ADAMTSL4: variants seen among roughly 807,000 people sequenced by gnomAD.
ADAMTSL4 encodes the protein ADAMTS like 4.
A neutral mutation model predicts 122.8 loss-of-function variants in ADAMTSL4; 97 were observed. The observed-to-expected ratio is 0.79, with a 90% CI of 0.67 to 0.93. The LOEUF (loss-of-function observed/expected upper bound fraction) is 0.93, where lower values mean the gene tolerates loss of function less well. Among genes scored for constraint, ADAMTSL4 ranks in the 40% least tolerant of loss-of-function variants. ADAMTSL4 has a pLI of 0.00. For synonymous variants in ADAMTSL4, 592 were observed against 568.0 expected (o/e 1.04, Z -0.60); for missense variants, 1,408 against 1,453.5 (o/e 0.97, Z 0.51).
Position 150,552,576 on chromosome 1 carries a change from C to G in ADAMTSL4, c.54C>G (p.Leu18=). The change falls in exon 4 of 19, where the codon CTC becomes CTG. Residue 18 remains leucine (L), a synonymous_variant. Coordinates refer to ENST00000271643, the MANE Select transcript of ADAMTSL4 (RefSeq NM_019032.6). The surrounding 1 kb of genome is among the most constrained non-coding windows in gnomAD (Gnocchi z 4.0). ...PWLYLLLLLS[L]PQLCLDQEVL... ...TGTATCTGCTGCTGCTTCTGTCCCT[C>G]CCTCAGCTCTGCTTGGATCAGGAGG... The G allele has an allele frequency of 1.2e-6, 2 of 1,614,014 alleles. No homozygotes were observed. The highest frequency in any genetic ancestry group is 1.7e-6 in the Non-Finnish European group (2 of 1,179,982).
Position 150,553,655 on chromosome 1 carries a change from C to T in ADAMTSL4, c.664C>T (p.His222Tyr). 2 of 1,613,782 alleles carry T rather than the reference C, an allele frequency of 1.2e-6. No individual in the cohort carries two copies. The highest frequency in any genetic ancestry group is 1.1e-5 in the South Asian group (1 of 91,080). The change falls in exon 6 of 19, where the codon CAC becomes TAC. Residue 222 changes from histidine to tyrosine, a missense_variant. By Grantham distance (83) the His-to-Tyr change is moderately conservative. Transcript: ENST00000271643. ...GCTCCCTCCCACAGAACTGTCTGTCCACACCCCATCCCCCCAAGCAGAACC... is the reference window on the plus strand; with the variant it reads ...GCTCCCTCCCACAGAACTGTCTGTCTACACCCCATCCCCCCAAGCAGAACC... ...TELPPTELSVHTPSPQAEPLS... is the reference protein window; with the variant it reads ...TELPPTELSVYTPSPQAEPLS...
Position 150,552,831 on chromosome 1 carries a change from C to A in ADAMTSL4, c.79-67C>A. 1 of 1,526,022 alleles carries A rather than the reference C, an allele frequency of 6.6e-7. No individual in the cohort carries two copies. The highest frequency in any genetic ancestry group is 9.0e-7 in the Non-Finnish European group (1 of 1,108,096). The allele number at this position is 1,526,022 out of a possible 1,614,324, so 94.5% of individuals were successfully genotyped here. On this transcript the variant is annotated intron_variant, in intron 4 of 18. Transcript: ENST00000271643. The surrounding 1 kb of genome is among the most constrained non-coding windows in gnomAD (Gnocchi z 4.0). ...CGACTCCGTGAGCCTCAGTGTTGGT[C>A]TACATGGACACTCTGGACAGTTCCC...
rs1310934778 is a variant in ADAMTSL4, at chr1:150,559,266, C to A, written c.2764-21C>A. On this transcript the variant is annotated intron_variant, in intron 16 of 18. Transcript: ENST00000271643. This position sits in a 1 kb window ranked among gnomAD's most constrained non-coding sequence, Gnocchi z 4.1. The stretch of plus-strand genomic sequence containing the variant: ...CTCTGTCCTCCCCTCCCCTCATCAC[C>A]CTGCCCTCCCCCTACACTAGTGCTC... The A allele has an allele frequency of 1.9e-6, 3 of 1,613,778 alleles. No homozygotes were observed. The African/African-American group carries it at 4.0e-5, about 22-fold the overall frequency.
In ADAMTSL4 at chr1:150,557,618, C is replaced by T; in HGVS notation, c.2172C>T (p.Pro724=). The part of the protein sequence containing the change: ...SPEPCHGTPC[P]PYWEAGEWTS... The stretch of plus-strand genomic sequence containing the variant: ...AACCCTGCCACGGCACCCCATGCCC[C>T]CCATAGTGAGTATGGGGGAGCCCAC... Residue 724 remains proline, a synonymous_variant, in exon 13 of 19, where the codon CCC becomes CCT. Transcript: ENST00000271643. The T allele has an allele frequency of 6.2e-7, 1 of 1,600,410 alleles. No individual in the cohort carries two copies. The highest frequency in any genetic ancestry group is 8.5e-7 in the Non-Finnish European group (1 of 1,173,894).
intron 2 of ADAMTSL4, chr1:150,551,337 A>C (rs1417559349): frequency 3.2e-6 from 1 of 316,962 alleles, no homozygotes; most frequent in East Asian, 8.0e-5. Flanking sequence ...TAAACCGTCA[A>C]CCCATTTAGC....
At chr1:150,555,680 CAT>C in intron 8 of ADAMTSL4, 115 bp downstream of exon 8, 2 of 1,447,930 alleles carry the variant, frequency 1.4e-6, no homozygotes, top group Non-Finnish European at 1.9e-6. Flanking sequence ...CATGCAAGCA[CAT>C]ACACACACGC....
In ADAMTSL4 at chr1:150,549,498, A is replaced by T. The variant is rs1171500340; in HGVS notation, c.-160A>T. 1 of 152,124 alleles carries T rather than the reference A, an allele frequency of 6.6e-6. No homozygotes were observed. Among genetic ancestry groups the T allele is most frequent in the Non-Finnish European group, 1.5e-5 (1 of 68,034 alleles). The allele number at this position is 152,124 out of a possible 1,614,324, so 9.4% of individuals were successfully genotyped here. On this transcript the variant is annotated splice_region_variant and 5_prime_UTR_variant, in exon 1 of 19. Transcript: ENST00000271643. This position sits in a 1 kb window ranked among gnomAD's most constrained non-coding sequence, Gnocchi z 5.0. ...ACGGGCCACCGGGGGCTCGCAGAGC[A>T]GGTAGAGACCTCCCCGGGACCCCGG... is the stretch of plus-strand genomic sequence containing the variant.
intron 5 of ADAMTSL4, 45 bp downstream of exon 5, chr1:150,553,298 G>A (rs763396436): frequency 3.7e-6 from 6 of 1,609,314 alleles, no homozygotes; most frequent in Non-Finnish European, 5.1e-6. Flanking sequence ...CAAGGTGGGG[G>A]CTTAGCATGA....
chr1:150,557,430 C>T (rs1672283045), intron 12 of ADAMTSL4, 64 bp from the exon 13 acceptor site: 1 of 1,611,178 alleles, frequency 6.2e-7, no homozygotes. Flanking sequence ...GACCCTGCGT[C>T]TGGGACACCA....
In ADAMTSL4 at chr1:150,554,495, G is replaced by A; in HGVS notation, c.1234+28G>A. ...GAGGTTTCTTGCTCACCCCTGGGCA[G>A]TGGTGGCTTGGAATTGGGGATGAAG... On this transcript the variant is annotated intron_variant, in intron 7 of 18. Coordinates refer to ENST00000271643, the MANE Select transcript of ADAMTSL4 (RefSeq NM_019032.6). This position sits in a 1 kb window ranked among gnomAD's most constrained non-coding sequence, Gnocchi z 4.0. 1 of 1,613,826 alleles carries A rather than the reference G, an allele frequency of 6.2e-7. No homozygotes were observed. Among genetic ancestry groups the A allele is most frequent in the Non-Finnish European group, 8.5e-7 (1 of 1,179,842 alleles).
chr1:150,558,270 C>T (rs1672409105), intron 14 of ADAMTSL4, 121 bp downstream of exon 14: 1 of 1,541,212 alleles, frequency 6.5e-7, no homozygotes, highest in Non-Finnish European at 8.8e-7. Context: ...TTCATATGGA[C>T]CCCCAATATA....
rs1378418951 is a variant in ADAMTSL4, at chr1:150,559,391, CCCCAGGCCCCCTGCCCTGCAG to C, written c.2872_2892del (p.Arg958_Pro964del). On this transcript the variant is annotated inframe_deletion, in exon 17 of 19. Transcript: ENST00000271643. The surrounding 1 kb of genome is among the most constrained non-coding windows in gnomAD (Gnocchi z 4.1). ...CTTCTCCGAGCAACTGTTCTCACCTCCCCAGGCCCCCTGCCCTGCAGCCCTGTCAAGGGCAGGCCTGCCAGG... is the reference window on the plus strand; with the variant it reads ...CTTCTCCGAGCAACTGTTCTCACCTCCCCTGTCAAGGGCAGGCCTGCCAGG... 1 of 1,613,780 alleles carries C rather than the reference CCCCAGGCCCCCTGCCCTGCAG, an allele frequency of 6.2e-7. No individual in the cohort carries two copies. Among genetic ancestry groups the C allele is most frequent in the Admixed American group, 1.7e-5 (1 of 60,030 alleles).
chr1:150,558,950 C>T lies in ADAMTSL4; in HGVS notation c.2560-12C>T. 6.3e-7 allele frequency: 1 copy of T among 1,585,558 alleles called. No individual in the cohort carries two copies. The highest frequency in any genetic ancestry group is 8.6e-7 in the Non-Finnish European group (1 of 1,162,462). On this transcript the variant is annotated splice_polypyrimidine_tract_variant and intron_variant, in intron 15 of 18. Coordinates refer to ENST00000271643, the MANE Select transcript of ADAMTSL4 (RefSeq NM_019032.6). ...GCAGGCCCCTCACACAGGCCGCTCT[C>T]CTCCTCCGCAGTGCTCAGCCGAGTG...
intron 15 of ADAMTSL4, 36 bp downstream of exon 15, chr1:150,558,685 G>A (rs1250055850): frequency 6.2e-7 from 1 of 1,613,810 alleles, no homozygotes; most frequent in South Asian, 1.1e-5. Context: ...CCTGCATCCT[G>A]GGTAACCACG....
At position 150,557,147 on chromosome 1, in the gene ADAMTSL4, C is replaced by A. The variant is rs750813378; in HGVS notation, c.1862-3C>A. 2 of 1,612,594 alleles carry A rather than the reference C, an allele frequency of 1.2e-6. No homozygotes were observed. The highest frequency in any genetic ancestry group is 1.7e-6 in the Non-Finnish European group (2 of 1,179,908). On this transcript the variant is annotated splice_polypyrimidine_tract_variant and splice_region_variant and intron_variant, in intron 11 of 18. Transcript: ENST00000271643. ...CATCTGATTCGCCTGCTCCCCTGCA[C>A]AGAGATTCTGAGGGTGGAGCCCCCA...
chr1:150,553,730 GC>G lies in ADAMTSL4; in HGVS notation c.745del (p.Leu249TyrfsTer21), dbSNP rs761084716. On this transcript the variant is annotated frameshift_variant, in exon 6 of 19. Coordinates refer to ENST00000271643, the MANE Select transcript of ADAMTSL4 (RefSeq NM_019032.6). LOFTEE classifies it high-confidence loss of function. ...AGAGGTGGCCCCCAGAACCAGGCCT[GC>G]CCCCCTACGGCATCACCCCAGAGCC... ...QTEVAPRTRP[A>X]PLRHHPRAQA... 2 of 1,612,490 alleles carry G rather than the reference GC, an allele frequency of 1.2e-6. No homozygotes were observed. The highest frequency in any genetic ancestry group is 8.5e-7 in the Non-Finnish European group (1 of 1,179,516).
Position 150,558,002 on chromosome 1 carries a change from C to T in ADAMTSL4, c.2235C>T (p.His745=). The T allele has an allele frequency of 1.9e-6, 3 of 1,612,248 alleles. No homozygotes were observed. Among genetic ancestry groups the T allele is most frequent in the Non-Finnish European group, 2.5e-6 (3 of 1,179,786 alleles). The change falls in exon 14 of 19, where the codon CAC becomes CAT. Residue 745 remains histidine (H), a synonymous_variant. Coordinates refer to ENST00000271643, the MANE Select transcript of ADAMTSL4 (RefSeq NM_019032.6). ...GCTCCTGTGGCCCCGGCACCCAGCA[C>T]CGCCAGCTGCAGTGCCGGCAGGAAT... ...CSRSCGPGTQ[H]RQLQCRQEFG... is the part of the protein sequence containing the mutation.
chr1:150,558,759 A>G, intron 15 of ADAMTSL4, 110 bp downstream of exon 15: 3 of 1,586,300 alleles, frequency 1.9e-6, no homozygotes, highest in Non-Finnish European at 2.6e-6. Context: ...CGCCTGCTAT[A>G]TGCCTGACCC....
In ADAMTSL4 at chr1:150,553,016, G is replaced by A. The variant is rs757553666; in HGVS notation, c.197G>A (p.Arg66His). The A allele has an allele frequency of 3.1e-6, 5 of 1,613,216 alleles. No individual in the cohort carries two copies. The Admixed American group carries it at 5.0e-5, about 16-fold the overall frequency. ...CAGCCCTGCGGGGTGGGGGTGCAGCGCAGGAGCCGGACATGTCAGCTCCCT... is the reference window on the plus strand; with the variant it reads ...CAGCCCTGCGGGGTGGGGGTGCAGCACAGGAGCCGGACATGTCAGCTCCCT... ...CSQPCGVGVQRRSRTCQLPTV... is the reference protein window; with the variant it reads ...CSQPCGVGVQHRSRTCQLPTV... Residue 66 changes from arginine (R) to histidine (H), a missense_variant, in exon 5 of 19, where the codon CGC becomes CAC. Physicochemically the swap from Arg to His is conservative, Grantham distance 29. Coordinates refer to ENST00000271643, the MANE Select transcript of ADAMTSL4 (RefSeq NM_019032.6).
Sources: allele counts gnomAD v4.1 joint callset, GRCh38; gene constraint gnomAD v4.1.1; non-coding constraint Gnocchi (gnomAD v3.1); transcripts MANE v1.5; gene names NCBI Gene and HGNC (gene_info 2026-07-23, HGNC 2026-07-21).